The following SLF2 variants were observed in gnomAD, a reference collection of about 807,000 sequenced individuals.
SLF2 encodes the protein SMC5-SMC6 complex localization factor protein 2.
A neutral mutation model predicts 124.3 loss-of-function variants in SLF2; 68 were observed. The ratio of observed to expected loss-of-function variants is 0.55; its 90% CI spans 0.45 to 0.67. SLF2 has a LOEUF of 0.67. Ranked by LOEUF, SLF2 falls within the 30% of genes least tolerant of loss-of-function variation. The pLI is 0.00. For synonymous variants in SLF2, 480 were observed against 478.8 expected, an observed-to-expected ratio of 1.00 and a Z score of -0.03; for missense variants, 1,246 against 1,373.7, an observed-to-expected ratio of 0.91 and a Z score of 1.47.
At position 100,961,860 on chromosome 10, in the gene SLF2, C is replaced by G. The variant is rs888549727; in HGVS notation, c.3487-17C>G. ...TAAATTTTGCTTTACCCTCTTTTTT[C>G]TCCTTCCCTTTTTTAGGGGCAGCTT... On this transcript the variant is annotated splice_polypyrimidine_tract_variant and intron_variant, in intron 19 of 19. Coordinates refer to ENST00000238961, the MANE Select transcript of SLF2 (RefSeq NM_018121.4). 1.2e-6 allele frequency: 2 copies of G among 1,603,926 alleles called. No individual in the cohort carries two copies. Among genetic ancestry groups the G allele is most frequent in the Non-Finnish European group, 1.7e-6 (2 of 1,173,686 alleles).
At chr10:100,953,263 G>A (rs1850255878) in intron 17 of SLF2, among the ~76,000 whole-genome samples, 2 of 151,288 alleles carry the variant, frequency 1.3e-5, no homozygotes, top group South Asian at 2.1e-4. Context: ...CTTGTGATCC[G>A]CCCACCTCGG....
In SLF2 at chr10:100,964,567, A is replaced by G. The variant is rs914400932; in HGVS notation, c.*2655A>G. 1.3e-5 allele frequency: 2 copies of G among 152,606 alleles called. No individual in the cohort carries two copies. Among genetic ancestry groups the G allele is most frequent in the Non-Finnish European group, 2.9e-5 (2 of 68,032 alleles). 9.5% of individuals were successfully genotyped at this position (152,606 alleles called of 1,614,324 possible). ...CTTTGTCACCTTTTGGAAGGTTTGC[A>G]TTTTGTTTCTGCTTTCAAGCGCAAA... On this transcript the variant is annotated 3_prime_UTR_variant, in exon 20 of 20. Transcript: ENST00000238961.
At chr10:100,954,485 A>G (rs1850287539) in intron 17 of SLF2, among the ~76,000 whole-genome samples, 1 of 152,212 alleles carries the variant, frequency 6.6e-6, no homozygotes, top group Admixed American at 6.5e-5. Flanking sequence ...AATTATTTTA[A>G]ATCGCTATTA....
At chr10:100,954,113 C>T (rs1418965388) in intron 17 of SLF2, among the ~76,000 whole-genome samples, 1 of 151,370 alleles carries the variant, frequency 6.6e-6, no homozygotes, top group Non-Finnish European at 1.5e-5. Flanking sequence ...AAAAATTAAC[C>T]GGGCATGGTG....
chr10:100,925,121 TGA>T, intron 5 of SLF2, 149 bp downstream of exon 5: 1 of 909,554 alleles, frequency 1.1e-6, no homozygotes, highest in Non-Finnish European at 1.6e-6. Flanking sequence ...GTTTGGTAAA[TGA>T]GTTTCCATAT....
At chr10:100,918,470 C>A in intron 4 of SLF2, 29 bp downstream of exon 4, 1 of 1,459,232 alleles carries the variant, frequency 6.9e-7, no homozygotes. Flanking sequence ...TTATGGATTT[C>A]TAAATAAATT....
At position 100,913,187 on chromosome 10, in the gene SLF2, A is replaced by G. The variant is rs775226725; in HGVS notation, c.77A>G (p.His26Arg). Residue 26 changes from histidine (H) to arginine (R), a missense_variant, in exon 1 of 20, where the codon CAT (histidine) becomes CGT (arginine). Around this residue, in one of 3 missense-constraint regions of SLF2, gnomAD observed 698 missense variants for 708.9 expected, o/e 0.98. Transcript: ENST00000238961. ...CCGGGGTCGTCGCCCCCGCGCTGCC[A>G]TCTGAGACCCGGTAGTACCGCCCAT... Reference protein sequence around the residue: ...PAPGSSPPRCHLRPGSTAHAA... With the variant: ...PAPGSSPPRCRLRPGSTAHAA... 1 of 1,613,182 alleles carries G rather than the reference A, an allele frequency of 6.2e-7. No homozygotes were observed.
At chr10:100,922,079 A>C (rs1361558510) in intron 4 of SLF2, among the ~76,000 whole-genome samples, 2 of 151,954 alleles carry the variant, frequency 1.3e-5, no homozygotes, top group Non-Finnish European at 2.9e-5. Flanking sequence ...TGGCGGGTTT[A>C]TTTTATTTTA....
intron 2 of SLF2, among the ~76,000 whole-genome samples, chr10:100,916,251 ATAT>A (rs922992081): frequency 7.9e-5 from 12 of 152,204 alleles, no homozygotes; most frequent in African/African-American, 2.4e-4. Flanking sequence ...TACATTTAAA[ATAT>A]TATTCTAGTA....
chr10:100,950,198 T>G lies in SLF2; in HGVS notation c.3243T>G (p.Leu1081=), dbSNP rs752619232. ...GIIDDSLHLE[L]EKQAYYLTYI... Reference sequence around the variant, plus strand: ...TTGATGACAGTCTTCATTTAGAACTTGAAAAGCAGGTATCCAGTGCTAGAA... The same window carrying G: ...TTGATGACAGTCTTCATTTAGAACTGGAAAAGCAGGTATCCAGTGCTAGAA... The change falls in exon 16 of 20, where the codon CTT becomes CTG. Residue 1081 remains leucine, a synonymous_variant. Coordinates refer to ENST00000238961, the MANE Select transcript of SLF2 (RefSeq NM_018121.4). 1.2e-6 allele frequency: 2 copies of G among 1,613,188 alleles called. No homozygotes were observed. Among genetic ancestry groups the G allele is most frequent in the Admixed American group, 1.7e-5 (1 of 59,926 alleles).
intron 12 of SLF2, 39 bp from the exon 13 acceptor site, chr10:100,945,291 C>G: frequency 6.9e-7 from 1 of 1,454,358 alleles, no homozygotes; most frequent in Non-Finnish European, 9.1e-7. Context: ...TAAAATATAC[C>G]TCCTAAAATA....
chr10:100,929,568 G>A, intron 7 of SLF2, 129 bp downstream of exon 7: 1 of 833,228 alleles, frequency 1.2e-6, no homozygotes, highest in South Asian at 2.6e-5. Flanking sequence ...GTCTGTAATG[G>A]GTTTGAAAGG....
At chr10:100,943,492 TTATC>T (rs759615238) in intron 11 of SLF2, among the ~76,000 whole-genome samples, 2 of 152,246 alleles carry the variant, frequency 1.3e-5, no homozygotes, top group Admixed American at 6.5e-5. Context: ...ATTAAAAATG[TTATC>T]TATCTTTTGA....
chr10:100,948,292 G>A (rs1197193580), intron 15 of SLF2, among the ~76,000 whole-genome samples: 1 of 152,126 alleles, frequency 6.6e-6, no homozygotes, highest in East Asian at 1.9e-4. Flanking sequence ...TCTAGTACTT[G>A]TTCAGTAAGA....
At chr10:100,918,305 G>T in intron 3 of SLF2, 79 bp from the exon 4 acceptor site, 1 of 871,536 alleles carries the variant, frequency 1.1e-6, no homozygotes, top group Non-Finnish European at 1.8e-6. Flanking sequence ...AGAAATCTGT[G>T]TTTAAATGTT....
intron 17 of SLF2, 111 bp downstream of exon 17, chr10:100,950,864 A>G (rs956495205): frequency 1.1e-5 from 9 of 809,538 alleles, no homozygotes; most frequent in Non-Finnish European, 1.8e-5. Context: ...TCTTAATATA[A>G]AAGCTAATTG....
chr10:100,917,377 AGTT>A, intron 3 of SLF2, 77 bp downstream of exon 3: 1 of 1,433,308 alleles, frequency 7.0e-7, no homozygotes, highest in Non-Finnish European at 9.3e-7. Context: ...AATATTTAAG[AGTT>A]GTTACATCAC....
intron 4 of SLF2, among the ~76,000 whole-genome samples, chr10:100,920,690 C>A (rs1407723180): frequency 1.3e-5 from 2 of 152,226 alleles, no homozygotes; most frequent in African/African-American, 2.4e-5. Flanking sequence ...TGGTTCATGC[C>A]TGTAATCCCA....
intron 3 of SLF2, 26 bp downstream of exon 3, chr10:100,917,326 C>G (rs752221974): frequency 1.9e-6 from 3 of 1,571,702 alleles, no homozygotes; most frequent in Non-Finnish European, 2.6e-6. Context: ...ATTGAATTAG[C>G]ATTGCTACTG....
Sources: gnomAD v4.1 joint callset for allele counts (sites outside exome capture counted in the v4.1 genomes callset) on GRCh38, gnomAD v4.1.1 for gene constraint, gnomAD v4.1.1 regional missense constraint, MANE v1.5 for transcripts, NCBI Gene and HGNC (gene_info 2026-07-23, HGNC 2026-07-21) for gene names.